Variants in MCF2L observed in about 807,000 individuals in gnomAD.
MCF2L encodes MCF.2 cell line derived transforming sequence like.
In MCF2L, 97 loss-of-function variants were observed where a neutral mutation model predicts 153.4. The observed-to-expected ratio is 0.63, with a 90% confidence interval of 0.54 to 0.75. The LOEUF (loss-of-function observed/expected upper bound fraction) is 0.75. Among genes scored for constraint, MCF2L ranks in the 30% least tolerant of loss-of-function variants. MCF2L has a pLI of 0.00. For synonymous variants in MCF2L, 659 were observed against 632.2 expected (o/e 1.04, Z -0.64); for missense variants, 1,347 against 1,495.2 (o/e 0.90, Z 1.64).
rs112534384 is a variant in MCF2L at position 112,960,011 on chromosome 13, C to T, written c.170-54752C>T. Among the ~76,000 whole-genome samples the T allele has an allele frequency of 4.6e-5, 7 of 152,236 alleles. No individual in the cohort carries two copies. Among genetic ancestry groups the T allele is most frequent in the Non-Finnish European group, 1.0e-4 (7 of 68,036 alleles). On this transcript the variant is annotated intron_variant, in intron 2 of 29. Transcript: ENST00000375608. The surrounding 1 kb of genome is among the most constrained non-coding windows in gnomAD (Gnocchi z 4.2). Reference sequence around the variant, plus strand: ...CTCTCTGTTCTCACGCGTCGGGCTGCGGCAGAGGTGCCTGTGTCACCGAGG... The same window carrying T: ...CTCTCTGTTCTCACGCGTCGGGCTGTGGCAGAGGTGCCTGTGTCACCGAGG...
chr13:112,923,388 C>T (rs550584594), intron 2 of MCF2L, among the ~76,000 whole-genome samples: 3 of 151,356 alleles, frequency 2.0e-5, no homozygotes, highest in East Asian at 2.0e-4. Flanking sequence ...CTCAGCCTCC[C>T]GAGTAGCTGG....
intron 2 of MCF2L, chr13:112,910,381 T>C (rs1286195122): frequency 6.6e-6 from 1 of 152,222 alleles, no homozygotes; most frequent in Non-Finnish European, 1.5e-5. Context: ...ACAAAGGTGA[T>C]CATCACAGCC....
At chr13:113,030,569 G>A (rs868525000) in intron 3 of MCF2L, among the ~76,000 whole-genome samples, 20 of 147,520 alleles carry the variant, frequency 1.4e-4, no homozygotes, top group Admixed American at 2.7e-4. Context: ...GGGCCCTCGG[G>A]TGTCCGCCGA....
chr13:112,897,981 A>AGCCCCGGCCCCGGCCCCG lies in MCF2L; in HGVS notation c.-5+3555_-5+3572dup, dbSNP rs775046468. Among the ~76,000 whole-genome samples the AGCCCCGGCCCCGGCCCCG allele has an allele frequency of 5.4e-5, 8 of 149,384 alleles. No homozygotes were observed. In the East Asian group the frequency reaches 1.5e-3, roughly 29 times the overall value. Reference sequence around the variant, plus strand: ...GGTGCCATGTGGCCCGTCCAGCCCCAGCCCCGGCCCCGGCCCCGGCCCTGG... The same window carrying AGCCCCGGCCCCGGCCCCG: ...GGTGCCATGTGGCCCGTCCAGCCCCAGCCCCGGCCCCGGCCCCGGCCCCGGCCCCGGCCCCGGCCCTGG... On this transcript the variant is annotated intron_variant, in intron 1 of 29. Transcript: ENST00000375608.
At position 112,924,480 on chromosome 13, in the gene MCF2L, A is replaced by G. The variant is rs555584777; in HGVS notation, c.169+22109A>G. On this transcript the variant is annotated intron_variant, in intron 2 of 29. Coordinates refer to the MCF2L transcript ENST00000375608. Reference sequence around the variant, plus strand: ...GAACAAAAACCAAGGAGAAGATCTAATGGGAGAGATAATATTTATAGTAGC... The same window carrying G: ...GAACAAAAACCAAGGAGAAGATCTAGTGGGAGAGATAATATTTATAGTAGC... 5.3e-5 allele frequency among the ~76,000 whole-genome samples: 8 copies of G among 152,300 alleles called. No homozygotes were observed. In the South Asian group the frequency reaches 1.7e-3, roughly 32 times the overall value.
chr13:113,015,396 G>GA (rs1479705776), intron 2 of MCF2L, among the ~76,000 whole-genome samples: 1 of 152,216 alleles, frequency 6.6e-6, no homozygotes, highest in Non-Finnish European at 1.5e-5. Context: ...GGACCCGTCA[G>GA]AAAAAACACC....
At chr13:113,040,433 TG>T (rs2086408751) in intron 3 of MCF2L, 1 of 153,696 alleles carries the variant, frequency 6.5e-6, no homozygotes, top group African/African-American at 2.4e-5. Context: ...TGTGTGTGTG[TG>T]TGTTTCTTTT....
intron 4 of MCF2L, among the ~76,000 whole-genome samples, chr13:113,058,973 T>TTGGGTGCTGAG (rs1433455594): frequency 3.1e-4 from 44 of 140,916 alleles, no homozygotes; most frequent in African/African-American, 6.4e-4. Flanking sequence ...TCAGCGCTGT[T>TTGGGTGCTGAG]TGGGTGCTGA....
intron 2 of MCF2L, among the ~76,000 whole-genome samples, chr13:112,911,061 G>A (rs1174222859): frequency 1.3e-5 from 2 of 152,224 alleles, no homozygotes; most frequent in South Asian, 2.1e-4. Flanking sequence ...GGACCTGGCC[G>A]CTCCCCGGCG....
chr13:113,043,119 C>T (rs954611952), intron 3 of MCF2L: 38 of 152,264 alleles, frequency 2.5e-4, no homozygotes, highest in African/African-American at 9.2e-4. Flanking sequence ...TGGTTCACAG[C>T]CAAGTCACCT....
rs568261345 is a variant in MCF2L, at chr13:113,053,035, G to GAC, written c.370-7546_370-7545dup. Among the ~76,000 whole-genome samples the GAC allele has an allele frequency of 3.8e-3, 579 of 151,994 alleles. 4 individuals carry two copies. Among genetic ancestry groups the GAC allele is most frequent in the South Asian group, 0.011 (52 of 4,792 alleles). On this transcript the variant is annotated intron_variant, in intron 4 of 29. Transcript: ENST00000535094. This position sits in a 1 kb window ranked among gnomAD's most constrained non-coding sequence, Gnocchi z 4.4. ...CATATACACACATCACATAAACACAGACACACACACACATTTTGCTGGTGA... is the reference window on the plus strand; with the variant it reads ...CATATACACACATCACATAAACACAGACACACACACACACATTTTGCTGGTGA...
At chr13:113,041,004 C>T (rs893288838) in intron 3 of MCF2L, 1 of 152,208 alleles carries the variant, frequency 6.6e-6, no homozygotes, top group Non-Finnish European at 1.5e-5. Flanking sequence ...TTATTTGGGC[C>T]AAAAGTGAGC....
chr13:113,029,996 T>G (rs1443466198), intron 3 of MCF2L, among the ~76,000 whole-genome samples: 1 of 152,244 alleles, frequency 6.6e-6, no homozygotes. Context: ...GTATTCTAAT[T>G]TTAACTTTCC....
Position 113,046,306 on chromosome 13 carries a change from C to A in MCF2L, c.369+945C>A. 2 of 293,090 alleles carry A rather than the reference C, an allele frequency of 6.8e-6. No homozygotes were observed. The allele number at this position is 293,090 out of a possible 1,614,324, so 18.2% of individuals were successfully genotyped here. On this transcript the variant is annotated intron_variant, in intron 4 of 29. Transcript: ENST00000535094. The surrounding 1 kb of genome is among the most constrained non-coding windows in gnomAD (Gnocchi z 4.4). ...AGGTGACCCAGAGCCTGGGTCCAGG[C>A]ACCTGCATGTTCTCACGCCCGCCAC...
chr13:112,916,075 G>T (rs1048186046), intron 2 of MCF2L, among the ~76,000 whole-genome samples: 10 of 151,874 alleles, frequency 6.6e-5, no homozygotes, highest in Non-Finnish European at 1.5e-4. Flanking sequence ...GGGCATGATG[G>T]CGGTTGTCTG....
chr13:112,918,317 C>T (rs1215409778), intron 2 of MCF2L, among the ~76,000 whole-genome samples: 1 of 152,198 alleles, frequency 6.6e-6, no homozygotes, highest in Non-Finnish European at 1.5e-5. Flanking sequence ...AGGAACGTCA[C>T]GAGAACGTCA....
rs2032029045 is a variant in MCF2L, at chr13:113,064,353, C to T, written c.539C>T (p.Ser180Leu). The T allele has an allele frequency of 6.2e-7, 1 of 1,612,966 alleles. No homozygotes were observed. The highest frequency in any genetic ancestry group is 1.3e-5 in the African/African-American group (1 of 75,058). The change falls in exon 6 of 30, where the codon TCG becomes TTG. Residue 180 changes from serine (S) to leucine (L), a missense_variant. Coordinates refer to ENST00000535094, the MANE Select transcript of MCF2L (RefSeq NM_001112732.3). The surrounding 1 kb of genome is among the most constrained non-coding windows in gnomAD (Gnocchi z 6.0). ...GACTTACACGGTTACATCGATAAGT[C>T]GCAGCTGACCGAGGACCTGGGTGGG... ...VPDLHGYIDK[S>L]QLTEDLGGTL...
At chr13:112,926,345 A>G (rs991947220) in intron 2 of MCF2L, among the ~76,000 whole-genome samples, 1 of 151,920 alleles carries the variant, frequency 6.6e-6, no homozygotes, top group Non-Finnish European at 1.5e-5. Context: ...CTACATACAC[A>G]ACGGAGTGCT....
intron 1 of MCF2L, among the ~76,000 whole-genome samples, chr13:112,994,455 G>C (rs79615369): frequency 6.6e-6 from 1 of 152,258 alleles, no homozygotes; most frequent in Non-Finnish European, 1.5e-5. Flanking sequence ...GAGGCTGTCG[G>C]TGGGGCAGTT....
Sources: allele counts gnomAD v4.1 joint callset (sites outside exome capture counted in the v4.1 genomes callset), GRCh38; gene constraint gnomAD v4.1.1; non-coding constraint Gnocchi (gnomAD v3.1); transcripts MANE v1.5; gene names NCBI Gene and HGNC (gene_info 2026-07-23, HGNC 2026-07-21).